The following FBLN7 variants were observed in gnomAD, a reference collection of about 807,000 sequenced individuals.
FBLN7 encodes fibulin 7, also known as fibulin-7.
A neutral mutation model predicts 44.0 loss-of-function variants in FBLN7; 31 were observed. That is an observed-to-expected ratio of 0.70 (90% CI 0.53 to 0.95). The LOEUF (loss-of-function observed/expected upper bound fraction) is 0.95, where lower values mean the gene tolerates loss of function less well. Ranked by LOEUF, FBLN7 falls within the 40% of genes least tolerant of loss-of-function variation. The pLI is 0.00. For synonymous variants in FBLN7, 262 were observed against 253.4 expected, an observed-to-expected ratio of 1.03 and a Z score of -0.32; for missense variants, 573 against 618.5, an observed-to-expected ratio of 0.93 and a Z score of 0.78.
At chr2:112,161,053 A>C (rs913687080) in intron 2 of FBLN7, among the ~76,000 whole-genome samples, 8 of 152,164 alleles carry the variant, frequency 5.3e-5, no homozygotes, top group Non-Finnish European at 4.4e-5. Flanking sequence ...ACTCCCTCCC[A>C]TGAGGGCAGG....
chr2:112,223,511 T>C, the FBLN7 span, among the ~76,000 whole-genome samples: 1 of 152,298 alleles, frequency 6.6e-6, no homozygotes, highest in Non-Finnish European at 1.5e-5. Context: ...ATGATAATTC[T>C]TGTATAACCT....
the FBLN7 span, among the ~76,000 whole-genome samples, chr2:112,231,165 A>G: frequency 6.6e-6 from 1 of 152,174 alleles, no homozygotes; most frequent in African/African-American, 2.4e-5. Context: ...TATTTGGTAC[A>G]ACTTCTAATT....
the FBLN7 span, among the ~76,000 whole-genome samples, chr2:112,211,293 G>T: frequency 2.0e-5 from 3 of 151,952 alleles, no homozygotes; most frequent in African/African-American, 7.3e-5. Context: ...CTTCATATTT[G>T]CCATATAATA....
At chr2:112,153,843 C>T (rs557830273) in intron 1 of FBLN7, among the ~76,000 whole-genome samples, 18 of 152,236 alleles carry the variant, frequency 1.2e-4, no homozygotes, top group East Asian at 3.9e-4. Context: ...AAACACTGTG[C>T]GAGAAGGGGC....
intron 3 of FBLN7, among the ~76,000 whole-genome samples, chr2:112,172,322 T>G (rs1032176528): frequency 3.9e-5 from 6 of 152,202 alleles, no homozygotes; most frequent in Non-Finnish European, 7.3e-5. Context: ...CCTTATCTGA[T>G]GTCTGTTTAG....
the FBLN7 span, among the ~76,000 whole-genome samples, chr2:112,210,367 G>C: frequency 1.2e-4 from 18 of 151,988 alleles, no homozygotes; most frequent in Middle Eastern, 6.8e-3. Context: ...AATAAGGAAA[G>C]GTAATAGGCC....
the FBLN7 span, among the ~76,000 whole-genome samples, chr2:112,234,825 G>T: frequency 6.6e-6 from 1 of 151,938 alleles, no homozygotes; most frequent in Non-Finnish European, 1.5e-5. Flanking sequence ...AAAATTAAAT[G>T]AAAGTGATAG....
At chr2:112,175,676 C>A (rs1385537422) in intron 3 of FBLN7, 38 bp from the exon 4 acceptor site, 1 of 1,611,390 alleles carries the variant, frequency 6.2e-7, no homozygotes, top group Non-Finnish European at 8.5e-7. Flanking sequence ...AGACCTAGAA[C>A]TCACATCCGT....
At chr2:112,182,098 G>A (rs1315543282) in intron 5 of FBLN7, 2 of 583,214 alleles carry the variant, frequency 3.4e-6, no homozygotes, top group Non-Finnish European at 5.7e-6. Flanking sequence ...ACCTGGTCCA[G>A]CCTATGCCCA....
At chr2:112,156,722 G>A (rs1387481283) in intron 1 of FBLN7, among the ~76,000 whole-genome samples, 1 of 152,208 alleles carries the variant, frequency 6.6e-6, no homozygotes, top group Admixed American at 6.5e-5. Flanking sequence ...GGCTGTGCCT[G>A]GTCAGGCCCT....
chr2:112,159,313 CAGAA>C (rs1009427968), intron 1 of FBLN7, among the ~76,000 whole-genome samples: 7 of 151,798 alleles, frequency 4.6e-5, no homozygotes, highest in African/African-American at 1.7e-4. Context: ...CTAAGAGTGA[CAGAA>C]AGAAAATGTT....
chr2:112,171,287 C>T (rs1407132048), intron 3 of FBLN7, among the ~76,000 whole-genome samples: 1 of 152,046 alleles, frequency 6.6e-6, no homozygotes, highest in African/African-American at 2.4e-5. Context: ...AGAAACGTGA[C>T]TCAGGCAGAG....
rs1472491904 is a variant in FBLN7 at position 112,138,531 on chromosome 2, C to A, written c.-125C>A. Reference sequence around the variant, plus strand: ...GGGGCCTCCCGCCTCCCCCCCTGCCCCAGCCGCCCCCCGGCCGCGCGGCGC... The same window carrying A: ...GGGGCCTCCCGCCTCCCCCCCTGCCACAGCCGCCCCCCGGCCGCGCGGCGC... On this transcript the variant is annotated 5_prime_UTR_variant, in exon 1 of 8. Transcript: ENST00000331203. 5 of 1,384,664 alleles carry A rather than the reference C, an allele frequency of 3.6e-6. No homozygotes were observed. In the East Asian group the frequency reaches 9.2e-5, roughly 25 times the overall value. The allele number at this position is 1,384,664 out of a possible 1,614,324, so 85.8% of individuals were successfully genotyped here. A position where few individuals can be genotyped will look rare whatever the true frequency, so the allele number is the denominator to read the frequency against.
At chr2:112,205,409 C>T in the FBLN7 span, among the ~76,000 whole-genome samples, 6 of 150,206 alleles carry the variant, frequency 4.0e-5, no homozygotes, top group African/African-American at 1.5e-4. Flanking sequence ...GGAGTAACTA[C>T]TAAAAAAACT....
intron 1 of FBLN7, among the ~76,000 whole-genome samples, chr2:112,144,906 A>G (rs1278022089): frequency 6.6e-6 from 1 of 152,242 alleles, no homozygotes; most frequent in Non-Finnish European, 1.5e-5. Flanking sequence ...TACAGCTGGT[A>G]TAAGCATTCA....
chr2:112,230,996 G>C, the FBLN7 span: 1 of 1,115,570 alleles, frequency 9.0e-7, no homozygotes, highest in Non-Finnish European at 1.2e-6. Flanking sequence ...GCATTCATGT[G>C]TAATTCAGGT....
chr2:112,220,782 T>C, the FBLN7 span, among the ~76,000 whole-genome samples: 3 of 152,164 alleles, frequency 2.0e-5, no homozygotes, highest in Admixed American at 6.6e-5. Flanking sequence ...GATCGTGCCA[T>C]TGCACTTCAG....
At chr2:112,164,895 G>A in intron 2 of FBLN7, 106 bp from the exon 3 acceptor site, 3 of 1,227,810 alleles carry the variant, frequency 2.4e-6, no homozygotes. Flanking sequence ...CCTGCAGCAG[G>A]CATGCAACAG....
At chr2:112,199,204 G>A in the FBLN7 span, among the ~76,000 whole-genome samples, 2 of 152,154 alleles carry the variant, frequency 1.3e-5, no homozygotes, top group Non-Finnish European at 2.9e-5. Flanking sequence ...ATTGCCCAGG[G>A]TGTCTTTTCT....
Sources: gnomAD v4.1 joint callset for allele counts (sites outside exome capture counted in the v4.1 genomes callset) on GRCh38, gnomAD v4.1.1 for gene constraint, MANE v1.5 for transcripts, NCBI Gene and HGNC (gene_info 2026-07-23, HGNC 2026-07-21) for gene names.